MVB12A: variants seen among roughly 807,000 people sequenced by gnomAD.
MVB12A encodes the protein CIN85/CD2AP family binding protein.
In MVB12A, 30 loss-of-function variants were observed where a neutral mutation model predicts 34.3. The ratio of observed to expected loss-of-function variants is 0.88; its 90% CI spans 0.65 to 1.19. The LOEUF is 1.19. Among genes scored for constraint, MVB12A ranks in the 50% most tolerant of loss-of-function variants. The pLI is 0.00. For missense variants in MVB12A, 355 were observed against 369.2 expected (o/e 0.96, Z 0.31); for synonymous variants, 158 against 158.9 (o/e 0.99, Z 0.04).
chr19:17,407,917 G>A (rs1039393267), intron 2 of MVB12A, among the ~76,000 whole-genome samples: 2 of 152,212 alleles, frequency 1.3e-5, no homozygotes, highest in Non-Finnish European at 2.9e-5. Flanking sequence ...CTTCCCAGAC[G>A]CTGGCGTCAC....
chr19:17,408,462 T>C (rs1445690458), intron 2 of MVB12A, among the ~76,000 whole-genome samples: 1 of 150,646 alleles, frequency 6.6e-6, no homozygotes, highest in African/African-American at 2.4e-5. Context: ...TTAATTTTTT[T>C]TGAGATGGAG....
At chr19:17,423,897 C>T in intron 6 of MVB12A, 98 bp downstream of exon 6, 1 of 1,566,280 alleles carries the variant, frequency 6.4e-7, no homozygotes, top group Non-Finnish European at 8.8e-7. Context: ...CCTCTCCCAA[C>T]TCTGGATTCT....
chr19:17,423,744 C>A lies in MVB12A; in HGVS notation c.585C>A (p.Ser195=). The change falls in exon 6 of 9, where the codon TCC becomes TCA. Residue 195 remains serine, a synonymous_variant. Coordinates refer to ENST00000317040, the MANE Select transcript of MVB12A (RefSeq NM_138401.4). ...CGTCAAGGCTGGGCTCTCGGGCATCCACTCTGCGGAGGAATGACTCCATCT... is the reference window on the plus strand; with the variant it reads ...CGTCAAGGCTGGGCTCTCGGGCATCAACTCTGCGGAGGAATGACTCCATCT... ...RTASRLGSRA[S]TLRRNDSIYE... 6.2e-7 allele frequency: 1 copy of A among 1,614,046 alleles called. No homozygotes were observed. The highest frequency in any genetic ancestry group is 8.5e-7 in the Non-Finnish European group (1 of 1,179,952).
At chr19:17,407,923 G>A (rs1196600949) in intron 2 of MVB12A, among the ~76,000 whole-genome samples, 3 of 152,238 alleles carry the variant, frequency 2.0e-5, no homozygotes, top group African/African-American at 4.8e-5. Context: ...AGACGCTGGC[G>A]TCACCGCTAG....
chr19:17,407,434 A>G (rs1324094015), intron 2 of MVB12A, among the ~76,000 whole-genome samples: 2 of 152,122 alleles, frequency 1.3e-5, no homozygotes, highest in Non-Finnish European at 2.9e-5. Flanking sequence ...TACAAAGCAA[A>G]AGGGGCAGGG....
chr19:17,423,664 A>T (rs368825569), intron 5 of MVB12A, 29 bp from the exon 6 acceptor site: 20 of 1,612,942 alleles, frequency 1.2e-5, no homozygotes, highest in Non-Finnish European at 1.7e-5. Flanking sequence ...TGGGAGGATG[A>T]GGCTTAACCT....
chr19:17,422,180 C>G lies in MVB12A; in HGVS notation c.287-152C>G. ...AATCCCCTCCTTCATCTATACCATT[C>G]ATGATTTAACCACTCCTCCCACCCC... On this transcript the variant is annotated intron_variant, in intron 3 of 8. Coordinates refer to ENST00000317040, the MANE Select transcript of MVB12A (RefSeq NM_138401.4). 2 of 607,086 alleles carry G rather than the reference C, an allele frequency of 3.3e-6. 1 individual carries two copies. Among genetic ancestry groups the G allele is most frequent in the South Asian group, 4.8e-5 (2 of 41,464 alleles). 37.6% of individuals were successfully genotyped at this position (607,086 alleles called of 1,614,324 possible). A position where few individuals can be genotyped will look rare whatever the true frequency, so the allele number is the denominator to read the frequency against.
chr19:17,425,004 T>C lies in MVB12A; in HGVS notation c.*11T>C, dbSNP rs769124015. 2 of 1,579,012 alleles carry C rather than the reference T, an allele frequency of 1.3e-6. No individual in the cohort carries two copies. Among genetic ancestry groups the C allele is most frequent in the Non-Finnish European group, 1.7e-6 (2 of 1,158,274 alleles). ...CCCAGCGTCTCATAGTCCCTCACCC[T>C]TCCGCGGAAAGAGCCCCCTTACTCC... On this transcript the variant is annotated 3_prime_UTR_variant, in exon 9 of 9. Coordinates refer to ENST00000317040, the MANE Select transcript of MVB12A (RefSeq NM_138401.4).
intron 2 of MVB12A, among the ~76,000 whole-genome samples, chr19:17,409,807 A>C (rs1165636424): frequency 3.3e-5 from 5 of 150,700 alleles, no homozygotes; most frequent in South Asian, 4.2e-4. Context: ...GCTGGGGTGC[A>C]TTGGCACGAT....
At chr19:17,424,883 C>G (rs191789526) in intron 8 of MVB12A, 48 bp from the exon 9 acceptor site, 1 of 1,461,128 alleles carries the variant, frequency 6.8e-7, no homozygotes, top group Admixed American at 1.9e-5. Context: ...CCCTTTGGCC[C>G]TCTCTTTACT....
At chr19:17,409,697 C>A (rs1185083662) in intron 2 of MVB12A, among the ~76,000 whole-genome samples, 1 of 150,780 alleles carries the variant, frequency 6.6e-6, no homozygotes, top group Admixed American at 6.6e-5. Flanking sequence ...GTGATCTGCC[C>A]GCCTCGGCCT....
rs2074865180 is a variant in MVB12A at position 17,425,290 on chromosome 19, G to T, written c.*297G>T. ...CAAAACCCTCTGGGGTCCGGAGGCTGTGCGGGTGTCCTCCTGGCAATAAAC... is the reference window on the plus strand; with the variant it reads ...CAAAACCCTCTGGGGTCCGGAGGCTTTGCGGGTGTCCTCCTGGCAATAAAC... On this transcript the variant is annotated 3_prime_UTR_variant, in exon 9 of 9. Coordinates refer to ENST00000317040, the MANE Select transcript of MVB12A (RefSeq NM_138401.4). The T allele has an allele frequency of 2.4e-6, 1 of 413,890 alleles. No individual in the cohort carries two copies. 25.6% of individuals were successfully genotyped at this position (413,890 alleles called of 1,614,324 possible).
chr19:17,407,557 G>C (rs1355112344), intron 2 of MVB12A, among the ~76,000 whole-genome samples: 1 of 152,212 alleles, frequency 6.6e-6, no homozygotes, highest in African/African-American at 2.4e-5. Context: ...AGAGGGGACA[G>C]ACAGAAAGAC....
At chr19:17,419,269 A>T (rs1396240007), upstream of MVB12A, 2 of 152,146 alleles carry the variant, frequency 1.3e-5, no homozygotes, top group African/African-American at 4.8e-5. Flanking sequence ...AGTTAGAGTG[A>T]GAGCCTCTCC....
At chr19:17,412,473 G>C (rs570278242) in intron 2 of MVB12A, among the ~76,000 whole-genome samples, 6 of 151,956 alleles carry the variant, frequency 3.9e-5, no homozygotes, top group African/African-American at 1.4e-4. Context: ...CACCATGTTG[G>C]CCAGGCTGGT....
intron 4 of MVB12A, 104 bp downstream of exon 4, chr19:17,422,562 C>T: frequency 8.7e-7 from 1 of 1,152,338 alleles, no homozygotes; most frequent in Non-Finnish European, 1.2e-6. Context: ...GTTCCTTCTT[C>T]TACCTTCTGA....
Position 17,425,057 on chromosome 19 carries a change from CCCTCACT to C in MVB12A, c.*65_*71del, listed in dbSNP as rs1568393143. On this transcript the variant is annotated 3_prime_UTR_variant, in exon 9 of 9. Transcript: ENST00000317040. ...CTCCCCGCCAGCCTGGGGCCACCCC[CCCTCACT>C]GCATCCTGGGGCCACCCCCACTCAC... 17 of 825,234 alleles carry C rather than the reference CCCTCACT, an allele frequency of 2.1e-5. No homozygotes were observed. Among genetic ancestry groups the C allele is most frequent in the African/African-American group, 8.6e-5 (5 of 57,968 alleles). 51.1% of individuals were successfully genotyped at this position (825,234 alleles called of 1,614,324 possible).
At position 17,420,144 on chromosome 19, in the gene MVB12A, C is replaced by A; in HGVS notation, c.9C>A (p.Pro3=). 12 of 1,365,476 alleles carry A rather than the reference C, an allele frequency of 8.8e-6. No homozygotes were observed. Among genetic ancestry groups the A allele is most frequent in the Non-Finnish European group, 1.1e-5 (12 of 1,064,460 alleles). The allele number at this position is 1,365,476 out of a possible 1,614,324, so 84.6% of individuals were successfully genotyped here. A position where few individuals can be genotyped will look rare whatever the true frequency, so the allele number is the denominator to read the frequency against. MD[P]VPGTDSAPLA... ...GGCGCTCGGCTCGCAGGATGGATCC[C>A]GTACCCGGGACAGACTCGGCGCCGC... The change falls in exon 1 of 9, where the codon CCC becomes CCA. Residue 3 remains proline (P), a synonymous_variant. Coordinates refer to ENST00000317040, the MANE Select transcript of MVB12A (RefSeq NM_138401.4).
chr19:17,417,151 C>T (rs1350936507), upstream of MVB12A: 11 of 249,232 alleles, frequency 4.4e-5, no homozygotes, highest in East Asian at 2.7e-4. Context: ...TCAGCTTTGC[C>T]GCCTTAGTGA....
Sources: gnomAD v4.1 joint callset for allele counts (sites outside exome capture counted in the v4.1 genomes callset) on GRCh38, gnomAD v4.1.1 for gene constraint, MANE v1.5 for transcripts, NCBI Gene and HGNC (gene_info 2026-07-23, HGNC 2026-07-21) for gene names.